The following CCNG1 variants were observed in gnomAD, a reference collection of about 807,000 sequenced individuals.
CCNG1 encodes the protein cyclin-G1.
Under a neutral mutation model 30.0 loss-of-function variants are expected in CCNG1, and 13 were observed. The observed-to-expected ratio is 0.43, with a 90% CI of 0.28 to 0.69. CCNG1 has a LOEUF of 0.69. Ranked by LOEUF, CCNG1 falls within the 30% of genes least tolerant of loss-of-function variation. The probability of loss-of-function intolerance (pLI) is 0.16; values close to 1 mark genes in which losing one functional copy is unlikely to be tolerated. For missense variants in CCNG1, 285 were observed against 331.4 expected (o/e 0.86, Z 1.09); for synonymous variants, 110 against 121.5 (o/e 0.91, Z 0.62).
At chr5:163,439,625 C>T (rs529318116) in intron 2 of CCNG1, 105 bp downstream of exon 2, 14 of 921,966 alleles carry the variant, frequency 1.5e-5, no homozygotes, top group Non-Finnish European at 2.0e-5. Flanking sequence ...TTTTTCAGCA[C>T]GTAGCCAAAA....
chr5:163,448,489 C>T (rs367675601), downstream of CCNG1: 53 of 152,184 alleles, frequency 3.5e-4, 1 homozygote, highest in African/African-American at 1.2e-3. Context: ...TTAAATAAAC[C>T]TCAATAAATT....
chr5:163,442,003 T>G, intron 4 of CCNG1, 39 bp downstream of exon 4: 2 of 1,582,024 alleles, frequency 1.3e-6, no homozygotes, highest in Non-Finnish European at 1.7e-6. Flanking sequence ...TGATATGATC[T>G]GTTTTTATAT....
downstream of CCNG1, chr5:163,446,802 GC>G (rs1432045186): frequency 6.6e-6 from 1 of 152,230 alleles, no homozygotes; most frequent in Non-Finnish European, 1.5e-5. Flanking sequence ...ATCACTTGAG[GC>G]CAGGAGTTCG....
intron 3 of CCNG1, 52 bp downstream of exon 3, chr5:163,441,383 G>T (rs1483339425): frequency 1.3e-6 from 2 of 1,509,874 alleles, no homozygotes; most frequent in African/African-American, 1.4e-5. Context: ...GAATGGTATT[G>T]TATGGATATT....
At chr5:163,448,293 G>C (rs1042710861), downstream of CCNG1, 1 of 151,632 alleles carries the variant, frequency 6.6e-6, no homozygotes, top group Non-Finnish European at 1.5e-5. Flanking sequence ...CAGTAAAATT[G>C]ATAAACCTCT....
At chr5:163,438,794 G>A (rs763101408) in intron 1 of CCNG1, among the ~76,000 whole-genome samples, 1 of 152,168 alleles carries the variant, frequency 6.6e-6, no homozygotes, top group Non-Finnish European at 1.5e-5. Context: ...TTGGAAGGCC[G>A]AGGCGGGCAG....
intron 6 of CCNG1, among the ~76,000 whole-genome samples, chr5:163,443,012 A>T (rs556609351): frequency 6.6e-6 from 1 of 152,334 alleles, no homozygotes. Context: ...TATTGTACTT[A>T]AAAGAAAAAA....
At chr5:163,457,140 T>G in the CCNG1 span, 8 of 619,366 alleles carry the variant, frequency 1.3e-5, no homozygotes, top group African/African-American at 1.9e-4. Context: ...CATCAAGTTG[T>G]TTTTTTTTTT....
chr5:163,450,775 T>C (rs1758158360), downstream of CCNG1: 1 of 152,240 alleles, frequency 6.6e-6, no homozygotes, highest in Non-Finnish European at 1.5e-5. Flanking sequence ...ATGATTAACA[T>C]AGTTATCATA....
the CCNG1 span, among the ~76,000 whole-genome samples, chr5:163,454,556 G>A: frequency 6.6e-6 from 1 of 152,170 alleles, no homozygotes; most frequent in African/African-American, 2.4e-5. Flanking sequence ...GGTCAGGCTT[G>A]TCTTGAACTC....
At chr5:163,457,599 A>C in the CCNG1 span, 1 of 1,583,790 alleles carries the variant, frequency 6.3e-7, no homozygotes, top group Non-Finnish European at 8.7e-7. Flanking sequence ...TTGTAGAATC[A>C]AAGAGTTTGC....
chr5:163,441,818 T>C (rs776051149), intron 3 of CCNG1, 68 bp from the exon 4 acceptor site: 8 of 970,618 alleles, frequency 8.2e-6, no homozygotes, highest in Non-Finnish European at 1.3e-5. Flanking sequence ...CTTCAATGTT[T>C]TTCTAAAAAC....
downstream of CCNG1, chr5:163,448,405 G>A (rs1183810803): frequency 6.6e-6 from 1 of 151,980 alleles, no homozygotes; most frequent in Non-Finnish European, 1.5e-5. Flanking sequence ...ACGACACAAA[G>A]AAAATACCAT....
rs376005628 is a variant in CCNG1, at chr5:163,439,524, T to A, written c.264+4T>A. 29 of 1,606,182 alleles carry A rather than the reference T, an allele frequency of 1.8e-5. No homozygotes were observed. Among genetic ancestry groups the A allele is most frequent in the East Asian group, 2.2e-5 (1 of 44,736 alleles). ...CAGATTCCTGTCTAAAATGAAGGTA[T>A]GTTTGAAGCTACATTTTTGTAATTT... On this transcript the variant is annotated splice_donor_region_variant and intron_variant, in intron 2 of 6. Transcript: ENST00000340828.
chr5:163,445,586 T>C (rs1758020400), downstream of CCNG1, among the ~76,000 whole-genome samples: 1 of 151,332 alleles, frequency 6.6e-6, no homozygotes. Context: ...CCGAAATAGC[T>C]AGGATTATAG....
the CCNG1 span, chr5:163,456,965 C>A: frequency 5.0e-6 from 8 of 1,612,140 alleles, no homozygotes; most frequent in Non-Finnish European, 5.9e-6. Flanking sequence ...GCTTTCTCTG[C>A]ATTTGGTCTT....
chr5:163,441,893 A>G lies in CCNG1; in HGVS notation c.526A>G (p.Ser176Gly). The G allele has an allele frequency of 6.3e-7, 1 of 1,587,064 alleles. No individual in the cohort carries two copies. The highest frequency in any genetic ancestry group is 2.2e-5 in the East Asian group (1 of 44,626). Residue 176 changes from serine (S) to glycine (G), a missense_variant, in exon 4 of 7, where the codon AGC becomes GGC. Physicochemically the swap from Ser to Gly is moderately conservative, Grantham distance 56. Transcript: ENST00000340828. ...ACCATTTTCTTTTTAAAGGAGAAAT[A>G]GCATTAATTTTGAAAGACTAGAAGC... ...QENLPLERRN[S>G]INFERLEAQL... is the part of the protein sequence containing the mutation.
downstream of CCNG1, chr5:163,448,962 G>C (rs1007585337): frequency 2.6e-5 from 4 of 152,146 alleles, no homozygotes; most frequent in Admixed American, 6.5e-5. Context: ...ACATGACAAA[G>C]GGAATTTAAG....
chr5:163,457,518 G>C, the CCNG1 span: 1 of 1,143,958 alleles, frequency 8.7e-7, no homozygotes, highest in Admixed American at 1.9e-5. Flanking sequence ...AAGATATCAA[G>C]ACAAAATTAT....
Sources: gnomAD v4.1 joint callset for allele counts (sites outside exome capture counted in the v4.1 genomes callset) on GRCh38, gnomAD v4.1.1 for gene constraint, MANE v1.5 for transcripts, NCBI Gene and HGNC (gene_info 2026-07-23, HGNC 2026-07-21) for gene names.